NTNG2: variants seen among roughly 807,000 people sequenced by gnomAD.
The protein encoded by NTNG2 is netrin G2, also known as netrin-G2.
A neutral mutation model predicts 47.6 loss-of-function variants in NTNG2; 15 were observed. That is an observed-to-expected ratio of 0.32 (90% CI 0.21 to 0.49). The LOEUF (loss-of-function observed/expected upper bound fraction) is 0.49. Ranked by LOEUF, NTNG2 falls within the 20% of genes least tolerant of loss-of-function variation. The pLI is 0.99. For synonymous variants in NTNG2, 307 were observed against 324.6 expected (o/e 0.95, Z 0.58); for missense variants, 578 against 764.6 (o/e 0.76, Z 2.88).
At position 132,208,204 on chromosome 9, in the gene NTNG2, C is replaced by G; in HGVS notation, c.857+9595C>G. On this transcript the variant is annotated intron_variant, in intron 3 of 7. Transcript: ENST00000393229. The surrounding 1 kb of genome is among the most constrained non-coding windows in gnomAD (Gnocchi z 4.0). ...AGGGAGGGGGGCTTTGAAGGAGAAA[C>G]CTGAAGGGGGAACGGGGGCACGGCA... Among the ~76,000 whole-genome samples the G allele has an allele frequency of 6.6e-6, 1 of 151,666 alleles. No homozygotes were observed.
intron 3 of NTNG2, among the ~76,000 whole-genome samples, chr9:132,214,874 A>AT (rs60721815): frequency 2.4e-3 from 352 of 149,492 alleles, no homozygotes; most frequent in Non-Finnish European, 3.6e-3. Context: ...TTCAAAAAAA[A>AT]TTTTTTTTTT....
chr9:132,234,953 CCT>C (rs1841512667), intron 5 of NTNG2, among the ~76,000 whole-genome samples: 1 of 152,268 alleles, frequency 6.6e-6, no homozygotes, highest in African/African-American at 2.4e-5. Flanking sequence ...GCAGCGCTCC[CCT>C]GTCCCTCTGG....
chr9:132,230,649 G>T, intron 5 of NTNG2, 54 bp downstream of exon 5: 1 of 1,583,992 alleles, frequency 6.3e-7, no homozygotes, highest in East Asian at 2.3e-5. Flanking sequence ...GAGCCTCTTT[G>T]CATGTCCTGG....
At chr9:132,174,750 C>T (rs1018718723) in intron 2 of NTNG2, among the ~76,000 whole-genome samples, 13 of 151,798 alleles carry the variant, frequency 8.6e-5, no homozygotes, top group African/African-American at 2.7e-4. Context: ...GGGGAAACCC[C>T]GTCTCTACTA....
intron 3 of NTNG2, among the ~76,000 whole-genome samples, chr9:132,223,115 A>G (rs1458928914): frequency 6.6e-6 from 1 of 152,148 alleles, no homozygotes. Context: ...CTCGGTCTCA[A>G]AAAGCAAAAA....
chr9:132,191,721 G>A (rs1452322391), intron 2 of NTNG2, among the ~76,000 whole-genome samples: 4 of 152,044 alleles, frequency 2.6e-5, no homozygotes, highest in South Asian at 4.2e-4. Context: ...ACAGGCGCCC[G>A]CCGCTACACC....
chr9:132,172,768 C>T (rs998102269), intron 2 of NTNG2, among the ~76,000 whole-genome samples: 9 of 123,242 alleles, frequency 7.3e-5, no homozygotes, highest in Non-Finnish European at 1.4e-4. Flanking sequence ...CTCGCTCTGT[C>T]GCCCAGGCTG....
chr9:132,172,645 C>T (rs927294705), intron 2 of NTNG2, among the ~76,000 whole-genome samples: 4 of 151,756 alleles, frequency 2.6e-5, no homozygotes, highest in Admixed American at 2.0e-4. Flanking sequence ...GTAAGCATTT[C>T]CTGAATGAAT....
intron 3 of NTNG2, among the ~76,000 whole-genome samples, chr9:132,203,170 G>A (rs1474733818): frequency 2.6e-5 from 4 of 151,958 alleles, no homozygotes; most frequent in African/African-American, 9.7e-5. Context: ...GTCTGCAGAG[G>A]CTGGAAACAC....
At chr9:132,235,918 A>T (rs1286514531) in intron 5 of NTNG2, among the ~76,000 whole-genome samples, 2 of 152,106 alleles carry the variant, frequency 1.3e-5, no homozygotes, top group Non-Finnish European at 2.9e-5. Context: ...GTGGTGAGGG[A>T]GCGGCCTGGT....
Position 132,198,427 on chromosome 9 carries a change from C to T in NTNG2, c.675C>T (p.Pro225=), listed in dbSNP as rs1176165518. 6 of 1,612,982 alleles carry T rather than the reference C, an allele frequency of 3.7e-6. No homozygotes were observed. In the Admixed American group the frequency reaches 5.0e-5, roughly 13 times the overall value. ...ACCGCTTCGCCATCTTTGCCGGCCC[C>T]GACCTGCGCAACATGGACAACCTCT... is the stretch of plus-strand genomic sequence containing the variant. ...VRDRFAIFAG[P]DLRNMDNLYT... The change falls in exon 3 of 8, where the codon CCC becomes CCT. Residue 225 remains proline (P), a synonymous_variant. Transcript: ENST00000393229.
rs146177146 is a variant in NTNG2, at chr9:132,170,784, C to T, written c.213+3740C>T. ...TCCTGCCACTCCCACTCAGAGCAAT[C>T]GCCTCAGTGCAGCAGCGCTGACCTC... On this transcript the variant is annotated intron_variant, in intron 2 of 7. Coordinates refer to ENST00000393229, the MANE Select transcript of NTNG2 (RefSeq NM_032536.4). 1.1e-4 allele frequency among the ~76,000 whole-genome samples: 17 copies of T among 152,262 alleles called. No individual in the cohort carries two copies. The South Asian group carries it at 1.9e-3, about 17-fold the overall frequency.
intron 3 of NTNG2, among the ~76,000 whole-genome samples, chr9:132,219,326 A>G (rs536196002): frequency 1.3e-5 from 2 of 152,282 alleles, no homozygotes; most frequent in African/African-American, 4.8e-5. Context: ...TAATCCCAGC[A>G]CTTTGGGAGG....
intron 2 of NTNG2, among the ~76,000 whole-genome samples, chr9:132,195,359 A>C (rs1451394501): frequency 6.6e-6 from 1 of 151,386 alleles, no homozygotes; most frequent in Non-Finnish European, 1.5e-5. Flanking sequence ...CCCAGGCTGG[A>C]GCGCAGTGGC....
At chr9:132,240,886 G>A in intron 6 of NTNG2, 24 bp from the exon 7 acceptor site, 8 of 1,612,620 alleles carry the variant, frequency 5.0e-6, no homozygotes, top group South Asian at 1.1e-5. Context: ...CCCTGACCGC[G>A]CGCCCGTGCC....
rs773096701 is a variant in NTNG2, at chr9:132,198,291, G to A, written c.539G>A (p.Arg180His). 33 of 1,612,632 alleles carry A rather than the reference G, an allele frequency of 2.0e-5. No homozygotes were observed. The Admixed American group carries it at 4.2e-4, about 20-fold the overall frequency. The change falls in exon 3 of 8, where the codon CGC (arginine) becomes CAC (histidine). Residue 180 changes from arginine (R) to histidine (H), a missense_variant. Transcript: ENST00000393229. ...ATGGAGGCCTTCGGTATGTCCGCCCGCCGGGCCCGCGACATGTCATCCTCC... is the reference window on the plus strand; with the variant it reads ...ATGGAGGCCTTCGGTATGTCCGCCCACCGGGCCCGCGACATGTCATCCTCC... ...DCMEAFGMSA[R>H]RARDMSSSSA...
Position 132,180,280 on chromosome 9 carries a change from G to A in NTNG2, c.213+13236G>A, listed in dbSNP as rs933573308. ...GGTGAAGAAGAGACCAATGAGAGAT[G>A]AGCCCACGGTGCTCCTGCCCTCCAC... On this transcript the variant is annotated intron_variant, in intron 2 of 7. Transcript: ENST00000393229. This position sits in a 1 kb window ranked among gnomAD's most constrained non-coding sequence, Gnocchi z 4.2. Among the ~76,000 whole-genome samples the A allele has an allele frequency of 6.6e-6, 1 of 152,246 alleles. No homozygotes were observed. Among genetic ancestry groups the A allele is most frequent in the African/African-American group, 2.4e-5 (1 of 41,470 alleles).
chr9:132,210,190 T>C (rs1156947677), intron 3 of NTNG2, among the ~76,000 whole-genome samples: 4 of 152,142 alleles, frequency 2.6e-5, no homozygotes, highest in Non-Finnish European at 4.4e-5. Context: ...ATTCCAGCTC[T>C]TTCCATTTGC....
rs984535506 is a variant in NTNG2, at chr9:132,226,699, C to T, written c.858-150C>T. The stretch of plus-strand genomic sequence containing the variant: ...GGAAGGGGAATCAAGGAGTTTCTGG[C>T]CTAAAGGTTGGGCTGGTGGCCTCCA... On this transcript the variant is annotated intron_variant, in intron 3 of 7. Transcript: ENST00000393229. This position sits in a 1 kb window ranked among gnomAD's most constrained non-coding sequence, Gnocchi z 4.8. The T allele has an allele frequency of 3.5e-5, 21 of 592,632 alleles. No homozygotes were observed. Among genetic ancestry groups the T allele is most frequent in the Middle Eastern group, 9.1e-4 (2 of 2,208 alleles). The allele number at this position is 592,632 out of a possible 1,614,324, so 36.7% of individuals were successfully genotyped here. A position where few individuals can be genotyped will look rare whatever the true frequency, so the allele number is the denominator to read the frequency against.
Sources: allele counts gnomAD v4.1 joint callset (sites outside exome capture counted in the v4.1 genomes callset), GRCh38; gene constraint gnomAD v4.1.1; non-coding constraint Gnocchi (gnomAD v3.1); transcripts MANE v1.5; gene names NCBI Gene and HGNC (gene_info 2026-07-23, HGNC 2026-07-21).